NCOA2: variants seen among roughly 807,000 people sequenced by gnomAD.
NCOA2 encodes class E basic helix-loop-helix protein 75.
NCOA2 carries 21 observed loss-of-function variants against 145.1 expected under a neutral mutation model. That is an observed-to-expected ratio of 0.14 (90% CI 0.10 to 0.21). NCOA2 has a LOEUF of 0.21. NCOA2 is among the 10% of genes least tolerant of loss of function. NCOA2 has a pLI of 1.00. For missense variants in NCOA2, 1,472 were observed against 1,837.6 expected, an observed-to-expected ratio of 0.80 and a Z score of 3.64; for synonymous variants, 619 against 637.5, an observed-to-expected ratio of 0.97 and a Z score of 0.44.
intron 2 of NCOA2, among the ~76,000 whole-genome samples, chr8:70,241,579 T>C (rs549014315): frequency 6.6e-6 from 1 of 152,298 alleles, no homozygotes; most frequent in East Asian, 1.9e-4. Context: ...ATTATGTTCA[T>C]CCTGTCCTCA....
chr8:70,435,044 T>C, the NCOA2 span, among the ~76,000 whole-genome samples: 2 of 152,230 alleles, frequency 1.3e-5, no homozygotes, highest in Admixed American at 6.5e-5. Flanking sequence ...TGACTGTTTA[T>C]GTATCTGTCC....
intron 1 of NCOA2, among the ~76,000 whole-genome samples, chr8:70,375,549 C>T (rs1811591757): frequency 6.6e-6 from 1 of 152,144 alleles, no homozygotes; most frequent in Non-Finnish European, 1.5e-5. Flanking sequence ...AAGAAAAAGG[C>T]TGTATTTCAA....
intron 11 of NCOA2, among the ~76,000 whole-genome samples, chr8:70,153,027 C>T (rs1265219076): frequency 6.6e-6 from 1 of 152,172 alleles, no homozygotes; most frequent in African/African-American, 2.4e-5. Context: ...GTGAAAGAAT[C>T]ATTGTTTTTT....
At position 70,163,573 on chromosome 8, in the gene NCOA2, C is replaced by T; in HGVS notation, c.731-7G>A. The T allele has an allele frequency of 6.2e-7, 1 of 1,609,320 alleles. No homozygotes were observed. The highest frequency in any genetic ancestry group is 8.5e-7 in the Non-Finnish European group (1 of 1,175,986). On this transcript the variant is annotated splice_polypyrimidine_tract_variant and splice_region_variant and intron_variant, in intron 7 of 22. Transcript: ENST00000452400. ...ATCAAGCAGGACTGCAAATCTTAAA[C>T]CACACATGTTTACATTTATCATATT...
At chr8:70,280,820 C>T (rs1263290253) in intron 2 of NCOA2, among the ~76,000 whole-genome samples, 1 of 152,024 alleles carries the variant, frequency 6.6e-6, no homozygotes, top group Non-Finnish European at 1.5e-5. Flanking sequence ...CCATTCTACC[C>T]CTTACTTCCA....
chr8:70,389,158 C>T (rs1812947660), intron 1 of NCOA2, among the ~76,000 whole-genome samples: 1 of 152,128 alleles, frequency 6.6e-6, no homozygotes, highest in African/African-American at 2.4e-5. Context: ...GTTTTCGTTA[C>T]ACTTCAGACT....
chr8:70,235,431 T>G (rs1000731864), intron 2 of NCOA2, among the ~76,000 whole-genome samples: 9 of 152,150 alleles, frequency 5.9e-5, no homozygotes, highest in Admixed American at 4.6e-4. Context: ...CAATGGCAAA[T>G]TGTATGGATA....
intron 1 of NCOA2, among the ~76,000 whole-genome samples, chr8:70,378,303 GAA>G (rs1297211572): frequency 6.6e-6 from 1 of 151,948 alleles, no homozygotes; most frequent in Non-Finnish European, 1.5e-5. Context: ...AAATAAAAAA[GAA>G]AATATTATTT....
At chr8:70,155,175 A>G (rs1373609782) in intron 11 of NCOA2, among the ~76,000 whole-genome samples, 3 of 152,240 alleles carry the variant, frequency 2.0e-5, no homozygotes, top group South Asian at 2.1e-4. Context: ...TTGAATTTAC[A>G]TACCATGGCT....
At chr8:70,333,570 C>A (rs922789120) in intron 1 of NCOA2, among the ~76,000 whole-genome samples, 2 of 152,210 alleles carry the variant, frequency 1.3e-5, no homozygotes, top group Non-Finnish European at 2.9e-5. Context: ...AAAATTAACA[C>A]AAACTTTCAA....
the NCOA2 span, among the ~76,000 whole-genome samples, chr8:70,441,143 A>C: frequency 1.8e-5 from 2 of 111,614 alleles, no homozygotes; most frequent in Non-Finnish European, 3.8e-5. Context: ...AAAGAAAGAA[A>C]AAAGAAAGAC....
At chr8:70,263,451 T>G (rs1036896935) in intron 2 of NCOA2, among the ~76,000 whole-genome samples, 3 of 152,014 alleles carry the variant, frequency 2.0e-5, no homozygotes, top group African/African-American at 7.3e-5. Flanking sequence ...TTACTCCGTT[T>G]CATGTAAGTG....
intron 11 of NCOA2, among the ~76,000 whole-genome samples, chr8:70,152,945 C>T (rs1288117936): frequency 6.6e-6 from 1 of 152,126 alleles, no homozygotes; most frequent in Non-Finnish European, 1.5e-5. Flanking sequence ...GAAAAGTCTT[C>T]AATAAGTTTG....
At chr8:70,150,502 C>T (rs1367206166) in intron 11 of NCOA2, among the ~76,000 whole-genome samples, 1 of 152,186 alleles carries the variant, frequency 6.6e-6, no homozygotes, top group East Asian at 1.9e-4. Flanking sequence ...GGAACCAAAA[C>T]CCAGCAAAGT....
At chr8:70,295,736 G>A (rs1191934457) in intron 2 of NCOA2, among the ~76,000 whole-genome samples, 1 of 152,134 alleles carries the variant, frequency 6.6e-6, no homozygotes, top group African/African-American at 2.4e-5. Flanking sequence ...GAGGTCAGGA[G>A]CTCAAGACCA....
chr8:70,310,118 G>A (rs189302835), intron 1 of NCOA2, among the ~76,000 whole-genome samples: 305 of 152,102 alleles, frequency 2.0e-3, no homozygotes, highest in African/African-American at 7.1e-3. Flanking sequence ...ACTGCTTGAG[G>A]CCGGGAGTTC....
At chr8:70,241,221 A>G (rs1822102172) in intron 2 of NCOA2, among the ~76,000 whole-genome samples, 1 of 152,154 alleles carries the variant, frequency 6.6e-6, no homozygotes, top group South Asian at 2.1e-4. Context: ...ATTTGCCAAG[A>G]AAAAGGAAAA....
rs577179982 is a variant in NCOA2 at position 70,137,709 on chromosome 8, C to T, written c.3158+494G>A. Among the ~76,000 whole-genome samples the T allele has an allele frequency of 1.1e-4, 16 of 152,304 alleles. 1 individual carries two copies. The East Asian group carries it at 2.7e-3, about 26-fold the overall frequency. On this transcript the variant is annotated intron_variant, in intron 15 of 22. Coordinates refer to ENST00000452400, the MANE Select transcript of NCOA2 (RefSeq NM_006540.4). ...CCCTGTCTACACAGTGTGCGCCTAC[C>T]ACTGCCCTTGGCAGCCAGTTTGGGA...
Position 70,112,803 on chromosome 8 carries a change from A to G in NCOA2, c.*829T>C. 4.8e-6 allele frequency: 1 copy of G among 209,842 alleles called. No homozygotes were observed. Among genetic ancestry groups the G allele is most frequent in the Non-Finnish European group, 9.7e-6 (1 of 103,298 alleles). The allele number at this position is 209,842 out of a possible 1,614,324, so 13.0% of individuals were successfully genotyped here. A position where few individuals can be genotyped will look rare whatever the true frequency, so the allele number is the denominator to read the frequency against. On this transcript the variant is annotated 3_prime_UTR_variant, in exon 23 of 23. Transcript: ENST00000452400. ...AATGAGAGAGGGGAAGGGAAGAGTC[A>G]GGCTGACAGGGAAGAAGAGATGCTG... is the stretch of plus-strand genomic sequence containing the variant.
Sources: allele counts gnomAD v4.1 joint callset (sites outside exome capture counted in the v4.1 genomes callset), GRCh38; gene constraint gnomAD v4.1.1; transcripts MANE v1.5; gene names NCBI Gene and HGNC (gene_info 2026-07-23, HGNC 2026-07-21).